The following TMEM268 variants were observed in gnomAD, a reference collection of about 807,000 sequenced individuals.
TMEM268 encodes the protein transmembrane protein 268.
Under a neutral mutation model 39.1 loss-of-function variants are expected in TMEM268, and 24 were observed. The ratio of observed to expected loss-of-function variants is 0.61; its 90% CI spans 0.44 to 0.86. The LOEUF is 0.86. Among genes scored for constraint, TMEM268 ranks in the 40% least tolerant of loss-of-function variants. The probability of loss-of-function intolerance (pLI) is 0.00; values close to 1 mark genes in which losing one functional copy is unlikely to be tolerated. For synonymous variants in TMEM268, 176 were observed against 173.5 expected, an observed-to-expected ratio of 1.01 and a Z score of -0.12; for missense variants, 409 against 428.6, an observed-to-expected ratio of 0.95 and a Z score of 0.40.
chr9:114,613,528 A>C lies in TMEM268; in HGVS notation c.-79+1964A>C, dbSNP rs182384848. Among the ~76,000 whole-genome samples the C allele has an allele frequency of 1.7e-3, 261 of 152,342 alleles. 1 individual carries two copies. Among genetic ancestry groups the C allele is most frequent in the Middle Eastern group, 6.8e-3 (2 of 294 alleles). On this transcript the variant is annotated intron_variant, in intron 1 of 8. Transcript: ENST00000288502. ...GAGGGAAGGGCTTCAGTGATTATCAAGTGCAGGGCAGAGATCCTTGTGGCT... is the reference window on the plus strand; with the variant it reads ...GAGGGAAGGGCTTCAGTGATTATCACGTGCAGGGCAGAGATCCTTGTGGCT...
At chr9:114,640,881 C>CTT (rs113630605) in intron 8 of TMEM268, among the ~76,000 whole-genome samples, 3 of 146,822 alleles carry the variant, frequency 2.0e-5, no homozygotes, top group African/African-American at 5.0e-5. Flanking sequence ...CTCTCTCTCT[C>CTT]TTTTTTTTTT....
chr9:114,628,965 C>G (rs1589346321), intron 5 of TMEM268, among the ~76,000 whole-genome samples: 5 of 152,244 alleles, frequency 3.3e-5, no homozygotes, highest in Admixed American at 3.3e-4. Context: ...AATGCTTACA[C>G]ATTAACTCAT....
At chr9:114,628,061 C>A in intron 4 of TMEM268, 40 bp from the exon 5 acceptor site, 1 of 1,606,912 alleles carries the variant, frequency 6.2e-7, no homozygotes, top group East Asian at 2.2e-5. Flanking sequence ...TATGCAAGGA[C>A]TGAAGTTCCT....
In TMEM268 at chr9:114,638,539, T is replaced by G. The variant is rs775127409; in HGVS notation, c.667-5T>G. 1 of 1,556,184 alleles carries G rather than the reference T, an allele frequency of 6.4e-7. No homozygotes were observed. The highest frequency in any genetic ancestry group is 1.2e-5 in the South Asian group (1 of 82,466). The stretch of plus-strand genomic sequence containing the variant: ...TCCTGAGCCCCTTCTCTGTTTCCTT[T>G]GCAGTCCTTGCTGAGAAGCAGATTG... On this transcript the variant is annotated splice_polypyrimidine_tract_variant and splice_region_variant and intron_variant, in intron 7 of 8. Transcript: ENST00000288502.
intron 5 of TMEM268, among the ~76,000 whole-genome samples, chr9:114,633,188 G>T (rs1230693584): frequency 2.0e-5 from 3 of 149,028 alleles, no homozygotes; most frequent in African/African-American, 7.4e-5. Flanking sequence ...TTGAGACAGA[G>T]TCTCACTCTG....
At chr9:114,618,137 A>G (rs1022774540) in intron 2 of TMEM268, among the ~76,000 whole-genome samples, 1 of 151,994 alleles carries the variant, frequency 6.6e-6, no homozygotes, top group Admixed American at 6.6e-5. Flanking sequence ...TTGGGCTCCC[A>G]AAGTGCTGGG....
chr9:114,611,843 C>T (rs1012596303), intron 1 of TMEM268, among the ~76,000 whole-genome samples: 22 of 152,178 alleles, frequency 1.4e-4, no homozygotes, highest in African/African-American at 5.1e-4. Context: ...GATCCCCCAT[C>T]CTCAGCCGAC....
At chr9:114,630,902 A>G (rs1243091541) in intron 5 of TMEM268, among the ~76,000 whole-genome samples, 1 of 146,362 alleles carries the variant, frequency 6.8e-6, no homozygotes, top group Non-Finnish European at 1.5e-5. Flanking sequence ...CCTCTTCCTG[A>G]CCATTGTCAC....
At chr9:114,618,536 G>A (rs1035611545) in intron 2 of TMEM268, among the ~76,000 whole-genome samples, 4 of 151,914 alleles carry the variant, frequency 2.6e-5, no homozygotes, top group South Asian at 4.1e-4. Flanking sequence ...GGTGGCGGGC[G>A]CCTGTAATGC....
chr9:114,631,096 T>C (rs896037765), intron 5 of TMEM268, among the ~76,000 whole-genome samples: 1 of 152,052 alleles, frequency 6.6e-6, no homozygotes, highest in Non-Finnish European at 1.5e-5. Context: ...GGAGGATCAC[T>C]TGGGCCCAGG....
chr9:114,628,935 A>G (rs1589346289), intron 5 of TMEM268, among the ~76,000 whole-genome samples: 1 of 152,212 alleles, frequency 6.6e-6, no homozygotes, highest in African/African-American at 2.4e-5. Flanking sequence ...AGCACATCAT[A>G]TGTAGTAGGT....
intron 6 of TMEM268, among the ~76,000 whole-genome samples, chr9:114,634,213 C>T (rs1846530305): frequency 2.0e-5 from 3 of 152,214 alleles, no homozygotes; most frequent in Admixed American, 6.5e-5. Flanking sequence ...TTGAGGGGCC[C>T]ATGCAAGGTC....
rs1348031844 is a variant in TMEM268, at chr9:114,638,720, G to A, written c.843G>A (p.Glu281=). The change falls in exon 8 of 9, where the codon GAG becomes GAA. Residue 281 remains glutamate (E), a synonymous_variant. Transcript: ENST00000288502. ...TTCATCAGCTTGTTCCTGAGGCTGA[G>A]CCGGAGGTAACAGGCACTGGGGCTT... is the stretch of plus-strand genomic sequence containing the variant. ...TELHQLVPEA[E]PEEMARQLLA... 2 of 1,578,526 alleles carry A rather than the reference G, an allele frequency of 1.3e-6. No individual in the cohort carries two copies. Among genetic ancestry groups the A allele is most frequent in the Non-Finnish European group, 1.7e-6 (2 of 1,162,312 alleles).
At chr9:114,628,931 T>C (rs1564293310) in intron 5 of TMEM268, among the ~76,000 whole-genome samples, 2 of 152,220 alleles carry the variant, frequency 1.3e-5, no homozygotes, top group Non-Finnish European at 2.9e-5. Context: ...ACTGAGCACA[T>C]CATATGTAGT....
At chr9:114,628,506 C>T (rs1846257126) in intron 5 of TMEM268, among the ~76,000 whole-genome samples, 1 of 152,142 alleles carries the variant, frequency 6.6e-6, no homozygotes, top group Non-Finnish European at 1.5e-5. Context: ...AGTAATTGCC[C>T]GTATCCTGAC....
intron 8 of TMEM268, among the ~76,000 whole-genome samples, chr9:114,641,291 A>G (rs938510182): frequency 1.3e-5 from 2 of 152,226 alleles, no homozygotes; most frequent in African/African-American, 2.4e-5. Context: ...TGGGTTAGTC[A>G]TAGAGTGGCT....
At chr9:114,630,879 A>G (rs1445719280) in intron 5 of TMEM268, among the ~76,000 whole-genome samples, 1 of 152,154 alleles carries the variant, frequency 6.6e-6, no homozygotes, top group Non-Finnish European at 1.5e-5. Flanking sequence ...GTCACTCAGG[A>G]CTATGCAGAT....
In TMEM268 at chr9:114,624,424, G is replaced by T; in HGVS notation, c.181G>T (p.Ala61Ser). Reference protein sequence around the residue: ...TCAPISFDLGAAEEQLQTWGI... With the variant: ...TCAPISFDLGSAEEQLQTWGI... ...TGCACCCATCTCCTTCGACCTGGGA[G>T]CCGCAGAAGAGCAACTGCAAACTTG... The change falls in exon 3 of 9, where the codon GCC (alanine) becomes TCC (serine). Residue 61 changes from alanine to serine, a missense_variant. Ala to Ser is a moderately conservative substitution (Grantham distance 99, BLOSUM62 1). Coordinates refer to ENST00000288502, the MANE Select transcript of TMEM268 (RefSeq NM_153045.4). The T allele has an allele frequency of 6.3e-7, 1 of 1,591,752 alleles. No individual in the cohort carries two copies. The highest frequency in any genetic ancestry group is 8.6e-7 in the Non-Finnish European group (1 of 1,167,566).
intron 5 of TMEM268, 126 bp downstream of exon 5, chr9:114,628,376 A>C (rs1846250973): frequency 2.0e-6 from 2 of 1,006,892 alleles, no homozygotes; most frequent in Non-Finnish European, 2.9e-6. Context: ...CTAGCCCGTA[A>C]GCCCAGTGAC....
Sources: allele counts gnomAD v4.1 joint callset (sites outside exome capture counted in the v4.1 genomes callset), GRCh38; gene constraint gnomAD v4.1.1; transcripts MANE v1.5; gene names NCBI Gene and HGNC (gene_info 2026-07-23, HGNC 2026-07-21).